Variants in PHF21A observed in about 807,000 individuals in gnomAD.
The protein encoded by PHF21A is BHC80a.
A neutral mutation model predicts 82.5 loss-of-function variants in PHF21A; 11 were observed. The ratio of observed to expected loss-of-function variants is 0.13; its 90% CI spans 0.08 to 0.22. The LOEUF (loss-of-function observed/expected upper bound fraction) is 0.22, where lower values mean the gene tolerates loss of function less well. Among genes scored for constraint, PHF21A ranks in the 10% least tolerant of loss-of-function variants. The pLI, the probability that PHF21A is intolerant of heterozygous loss-of-function variation, is 1.00. For synonymous variants in PHF21A, 297 were observed against 302.8 expected, an observed-to-expected ratio of 0.98 and a Z score of 0.20; for missense variants, 579 against 837.8, an observed-to-expected ratio of 0.69 and a Z score of 3.81.
intron 6 of PHF21A, among the ~76,000 whole-genome samples, chr11:46,006,967 A>G (rs947961573): frequency 6.6e-6 from 1 of 152,232 alleles, no homozygotes; most frequent in Non-Finnish European, 1.5e-5. Flanking sequence ...AAGAGCTATT[A>G]TTTACTTATT....
chr11:45,951,999 G>A (rs2092188004), intron 11 of PHF21A, among the ~76,000 whole-genome samples: 2 of 152,196 alleles, frequency 1.3e-5, no homozygotes, highest in South Asian at 4.1e-4. Context: ...TAGAGACAGA[G>A]TTTCACCATT....
intron 6 of PHF21A, among the ~76,000 whole-genome samples, chr11:46,048,257 A>G (rs2139047385): frequency 6.6e-6 from 1 of 152,326 alleles, no homozygotes; most frequent in South Asian, 2.1e-4. Context: ...ATCATACAGT[A>G]TAAGGCCTTT....
At chr11:46,057,169 C>T (rs1234602048) in intron 6 of PHF21A, among the ~76,000 whole-genome samples, 4 of 152,150 alleles carry the variant, frequency 2.6e-5, no homozygotes, top group African/African-American at 7.2e-5. Flanking sequence ...TTTACTGGGT[C>T]ATGTCCAGTG....
At chr11:45,960,568 G>A (rs1565267575) in intron 10 of PHF21A, among the ~76,000 whole-genome samples, 1 of 152,178 alleles carries the variant, frequency 6.6e-6, no homozygotes, top group African/African-American at 2.4e-5. Flanking sequence ...AATGGATACT[G>A]GGTTTTATTT....
intron 3 of PHF21A, among the ~76,000 whole-genome samples, chr11:46,084,534 C>T (rs1565909885): frequency 6.6e-6 from 1 of 152,072 alleles, no homozygotes; most frequent in Non-Finnish European, 1.5e-5. Context: ...ATGGAAACAT[C>T]TAAGCACCCA....
chr11:45,964,863 C>T (rs975760748), intron 10 of PHF21A, among the ~76,000 whole-genome samples: 4 of 152,112 alleles, frequency 2.6e-5, no homozygotes, highest in Non-Finnish European at 4.4e-5. Context: ...TTGTTTGGCT[C>T]CCCATTATCT....
intron 1 of PHF21A, among the ~76,000 whole-genome samples, chr11:46,116,322 C>A (rs1460224257): frequency 3.3e-5 from 5 of 152,162 alleles, no homozygotes; most frequent in Admixed American, 3.3e-4. Flanking sequence ...ATCTTTTTCA[C>A]TGTGAAACAA....
intron 7 of PHF21A, among the ~76,000 whole-genome samples, chr11:45,976,613 G>A (rs1412361977): frequency 6.6e-6 from 1 of 152,164 alleles, no homozygotes; most frequent in Non-Finnish European, 1.5e-5. Flanking sequence ...AGACCGAGAT[G>A]GGTGGATCAC....
chr11:46,034,793 G>C (rs992210570), intron 6 of PHF21A, among the ~76,000 whole-genome samples: 4 of 152,122 alleles, frequency 2.6e-5, no homozygotes, highest in African/African-American at 9.7e-5. Flanking sequence ...ACATGACCCA[G>C]TTTCCCAGGA....
At chr11:46,011,880 C>G (rs1014227320) in intron 6 of PHF21A, among the ~76,000 whole-genome samples, 1 of 152,186 alleles carries the variant, frequency 6.6e-6, no homozygotes, top group African/African-American at 2.4e-5. Context: ...AGAGCAAAAA[C>G]TTCTTTAGTG....
intron 1 of PHF21A, among the ~76,000 whole-genome samples, chr11:46,119,016 C>A (rs1370688784): frequency 6.6e-6 from 1 of 151,950 alleles, no homozygotes; most frequent in Non-Finnish European, 1.5e-5. Context: ...GGTGAGAACT[C>A]GCTCAAAAAG....
chr11:46,103,666 T>C (rs2097123946), intron 1 of PHF21A, among the ~76,000 whole-genome samples: 2 of 152,224 alleles, frequency 1.3e-5, no homozygotes, highest in African/African-American at 4.8e-5. Context: ...TATGCTACTT[T>C]AACTTAAATT....
intron 6 of PHF21A, among the ~76,000 whole-genome samples, chr11:46,003,616 G>A (rs904955386): frequency 1.3e-5 from 2 of 152,230 alleles, no homozygotes; most frequent in Middle Eastern, 6.8e-3. Context: ...CTAGGATGAT[G>A]ACTAGTACTT....
intron 7 of PHF21A, among the ~76,000 whole-genome samples, chr11:45,974,092 G>C (rs1459061382): frequency 6.6e-6 from 1 of 152,036 alleles, no homozygotes. Context: ...TACAACTATG[G>C]TTATGGCTGA....
At chr11:46,072,275 T>C (rs1419952908) in intron 6 of PHF21A, among the ~76,000 whole-genome samples, 1 of 152,226 alleles carries the variant, frequency 6.6e-6, no homozygotes, top group Non-Finnish European at 1.5e-5. Context: ...TCCTTGCTCC[T>C]AGCAGGGGCC....
At chr11:45,954,491 C>T (rs1321648703) in intron 10 of PHF21A, among the ~76,000 whole-genome samples, 2 of 152,010 alleles carry the variant, frequency 1.3e-5, no homozygotes, top group African/African-American at 4.8e-5. Flanking sequence ...GATGCAATTG[C>T]TAAGAGTGGG....
At chr11:46,030,553 TA>T (rs2095843571) in intron 6 of PHF21A, among the ~76,000 whole-genome samples, 2 of 152,200 alleles carry the variant, frequency 1.3e-5, no homozygotes, top group South Asian at 4.1e-4. Context: ...TACTTTTCAT[TA>T]GTCTGTTCTC....
At chr11:46,082,929 C>T (rs1470783452) in intron 4 of PHF21A, among the ~76,000 whole-genome samples, 1 of 152,082 alleles carries the variant, frequency 6.6e-6, no homozygotes, top group Non-Finnish European at 1.5e-5. Flanking sequence ...AAAAATCACA[C>T]ACAACATCAT....
chr11:46,021,534 ATGTGTGTGTGCATG>A (rs1453716584), intron 6 of PHF21A, among the ~76,000 whole-genome samples: 1 of 151,760 alleles, frequency 6.6e-6, no homozygotes, highest in African/African-American at 2.4e-5. Context: ...GTGTGCGTGC[ATGTGTGTGTGCATG>A]TGTGTGTGTG....
Sources: allele counts gnomAD v4.1 joint callset (sites outside exome capture counted in the v4.1 genomes callset), GRCh38; gene constraint gnomAD v4.1.1; transcripts MANE v1.5; gene names NCBI Gene and HGNC (gene_info 2026-07-23, HGNC 2026-07-21).